Variants in CNNM2 observed in about 807,000 individuals in gnomAD.
The protein encoded by CNNM2 is metal transporter CNNM2.
A neutral mutation model predicts 66.9 loss-of-function variants in CNNM2; 12 were observed. That is an observed-to-expected ratio of 0.18 (90% CI 0.11 to 0.29). The LOEUF (loss-of-function observed/expected upper bound fraction) is 0.29, where lower values mean the gene tolerates loss of function less well. Ranked by LOEUF, CNNM2 falls within the 10% of genes least tolerant of loss-of-function variation. The pLI is 1.00. For synonymous variants in CNNM2, 557 were observed against 501.8 expected (o/e 1.11, Z -1.47); for missense variants, 705 against 1,167.7 (o/e 0.60, Z 5.77).
At position 103,029,412 on chromosome 10, in the gene CNNM2, T is replaced by C. The variant is rs188034280; in HGVS notation, c.1622-20295T>C. 4.0e-3 allele frequency among the ~76,000 whole-genome samples: 609 copies of C among 151,724 alleles called. 18 individuals carry two copies. The East Asian group carries it at 0.071, about 18-fold the overall frequency. On this transcript the variant is annotated intron_variant, in intron 1 of 7. Coordinates refer to ENST00000369878, the MANE Select transcript of CNNM2 (RefSeq NM_017649.5). ...CCAGGTGGCAGAGGTTGCAGTGAGC[T>C]GAGATGGTGCCACTGCACTCCAGCC...
Position 102,987,318 on chromosome 10 carries a change from T to C in CNNM2, c.1622-62389T>C, listed in dbSNP as rs951257898. 2.6e-4 allele frequency among the ~76,000 whole-genome samples: 40 copies of C among 151,042 alleles called. 1 individual carries two copies. The highest frequency in any genetic ancestry group is 1.0e-3 in the South Asian group (5 of 4,778). ...AATGAATATGCATATACATTAAGCTTATTATTATTATTATTATTTTGAGAC... is the reference window on the plus strand; with the variant it reads ...AATGAATATGCATATACATTAAGCTCATTATTATTATTATTATTTTGAGAC... On this transcript the variant is annotated intron_variant, in intron 1 of 7. Transcript: ENST00000369878.
intron 1 of CNNM2, among the ~76,000 whole-genome samples, chr10:102,998,751 T>C (rs2064052352): frequency 1.3e-5 from 2 of 152,108 alleles, no homozygotes; most frequent in Admixed American, 6.6e-5. Flanking sequence ...GCAAAGCCAG[T>C]TGGATTGCTT....
chr10:103,071,659 A>C (rs1319446157), intron 5 of CNNM2, 115 bp from the exon 6 acceptor site: 3 of 844,630 alleles, frequency 3.6e-6, no homozygotes, highest in Non-Finnish European at 6.3e-6. Context: ...GCATTTCTGC[A>C]ACTGAATGCT....
At chr10:103,076,063 T>C (rs1043232835) in intron 6 of CNNM2, 23 bp from the exon 7 acceptor site, 28 of 1,596,562 alleles carry the variant, frequency 1.8e-5, no homozygotes, top group Admixed American at 3.4e-5. Flanking sequence ...CTTAAACAGT[T>C]GGATTTTTCC....
chr10:102,977,232 TG>T (rs1307675127), intron 1 of CNNM2, among the ~76,000 whole-genome samples: 1 of 152,198 alleles, frequency 6.6e-6, no homozygotes, highest in Non-Finnish European at 1.5e-5. Context: ...TATGTATGTT[TG>T]GGAACAAGCA....
At chr10:102,978,274 G>C (rs2063668781) in intron 1 of CNNM2, among the ~76,000 whole-genome samples, 1 of 150,082 alleles carries the variant, frequency 6.7e-6, no homozygotes, top group South Asian at 2.1e-4. Context: ...AACTGGACTC[G>C]ATTTTTTTTT....
chr10:102,960,804 T>TTTTTTTGTTTTCTTTTTCTTTTTCCTG (rs2063366626), intron 1 of CNNM2, among the ~76,000 whole-genome samples: 1 of 133,492 alleles, frequency 7.5e-6, no homozygotes. Context: ...TTTTTTTTTT[T>TTTTTTTGTTTTCTTTTTCTTTTTCCTG]GAGATGGAGT....
intron 1 of CNNM2, among the ~76,000 whole-genome samples, chr10:102,978,275 A>T (rs1289686953): frequency 7.0e-6 from 1 of 142,732 alleles, no homozygotes; most frequent in African/African-American, 2.6e-5. Context: ...ACTGGACTCG[A>T]TTTTTTTTTT....
chr10:103,089,571 C>T lies in CNNM2; in HGVS notation c.*12391C>T. ...TTTTCAGACGTACCTTTCATGGAGC[C>T]CCCTCCCTCCCCCGAGTAGAACCCT... On this transcript the variant is annotated 3_prime_UTR_variant, in exon 8 of 8. Coordinates refer to ENST00000369878, the MANE Select transcript of CNNM2 (RefSeq NM_017649.5). The T allele has an allele frequency of 7.0e-7, 1 of 1,423,020 alleles. No individual in the cohort carries two copies. The highest frequency in any genetic ancestry group is 9.2e-7 in the Non-Finnish European group (1 of 1,086,474). The allele number at this position is 1,423,020 out of a possible 1,614,324, so 88.1% of individuals were successfully genotyped here. A position where few individuals can be genotyped will look rare whatever the true frequency, so the allele number is the denominator to read the frequency against.
rs199766110 is a variant in CNNM2, at chr10:102,927,313, A to G, written c.1621+7212A>G. 175 of 1,613,146 alleles carry G rather than the reference A, an allele frequency of 1.1e-4. 1 individual carries two copies. In the East Asian group the frequency reaches 3.4e-3, roughly 31 times the overall value. ...AGGATTGAATACAGTTTTTTAAAGT[A>G]TTGTCTTTTCATCTCTTTTTGTTTT... On this transcript the variant is annotated intron_variant, in intron 1 of 7. Transcript: ENST00000369878.
intron 1 of CNNM2, among the ~76,000 whole-genome samples, chr10:102,930,432 A>G (rs1322967521): frequency 2.0e-5 from 3 of 152,244 alleles, no homozygotes; most frequent in Non-Finnish European, 4.4e-5. Context: ...TGCTAAGAAC[A>G]TTATGAATCC....
intron 1 of CNNM2, among the ~76,000 whole-genome samples, chr10:102,940,966 C>G (rs1846412017): frequency 1.3e-5 from 2 of 152,100 alleles, no homozygotes; most frequent in Admixed American, 6.5e-5. Flanking sequence ...CTCAAGTGAT[C>G]CACCTGCCTT....
intron 1 of CNNM2, among the ~76,000 whole-genome samples, chr10:103,032,621 CTT>C (rs1023363414): frequency 6.9e-6 from 1 of 145,356 alleles, no homozygotes; most frequent in African/African-American, 2.5e-5. Flanking sequence ...TTCTACATGA[CTT>C]TTTTTTAGAG....
intron 1 of CNNM2, among the ~76,000 whole-genome samples, chr10:103,029,459 G>A (rs540868205): frequency 2.0e-5 from 3 of 151,862 alleles, no homozygotes; most frequent in South Asian, 2.1e-4. Context: ...GCAAAACTCC[G>A]TCTCAAAATA....
At chr10:102,951,841 T>C (rs2134192370) in intron 1 of CNNM2, among the ~76,000 whole-genome samples, 1 of 152,036 alleles carries the variant, frequency 6.6e-6, no homozygotes, top group East Asian at 1.9e-4. Flanking sequence ...TTCGCTCTTG[T>C]TGCCCAGGCT....
chr10:103,075,355 A>G (rs1476328449), intron 6 of CNNM2, among the ~76,000 whole-genome samples: 1 of 152,204 alleles, frequency 6.6e-6, no homozygotes, highest in African/African-American at 2.4e-5. Context: ...TGACGTTTCC[A>G]TTAGAAGCCA....
At chr10:103,063,615 T>C (rs2065426219) in intron 4 of CNNM2, among the ~76,000 whole-genome samples, 1 of 152,216 alleles carries the variant, frequency 6.6e-6, no homozygotes, top group Non-Finnish European at 1.5e-5. Context: ...GGTTATCTGA[T>C]ACCTTTGTCC....
chr10:102,976,250 A>C (rs1456111537), intron 1 of CNNM2, among the ~76,000 whole-genome samples: 1 of 152,126 alleles, frequency 6.6e-6, no homozygotes, highest in East Asian at 1.9e-4. Context: ...CAAAGTGAAT[A>C]ACATTTTATG....
At chr10:103,002,975 T>C (rs2064151301) in intron 1 of CNNM2, among the ~76,000 whole-genome samples, 6 of 152,184 alleles carry the variant, frequency 3.9e-5, no homozygotes, top group Admixed American at 3.9e-4. Flanking sequence ...CGGCATTATT[T>C]ATAATACTTA....
Sources: allele counts gnomAD v4.1 joint callset (sites outside exome capture counted in the v4.1 genomes callset), GRCh38; gene constraint gnomAD v4.1.1; transcripts MANE v1.5; gene names NCBI Gene and HGNC (gene_info 2026-07-23, HGNC 2026-07-21).